SLC24A2: variants seen among roughly 807,000 people sequenced by gnomAD.
SLC24A2 encodes sodium/potassium/calcium exchanger 2.
A neutral mutation model predicts 62.0 loss-of-function variants in SLC24A2; 36 were observed. The observed-to-expected ratio is 0.58, with a 90% CI of 0.44 to 0.77. The LOEUF (loss-of-function observed/expected upper bound fraction) is 0.77. Among genes scored for constraint, SLC24A2 ranks in the 30% least tolerant of loss-of-function variants. The pLI is 0.00. For missense variants in SLC24A2, 846 were observed against 817.9 expected, an observed-to-expected ratio of 1.03 and a Z score of -0.42; for synonymous variants, 358 against 294.0, an observed-to-expected ratio of 1.22 and a Z score of -2.23.
the SLC24A2 span, among the ~76,000 whole-genome samples, chr9:19,811,561 C>A: frequency 1.3e-5 from 2 of 152,074 alleles, no homozygotes; most frequent in Non-Finnish European, 1.5e-5. Flanking sequence ...TTTACCTCAG[C>A]CTTCCAAAGT....
chr9:20,196,030 C>T, the SLC24A2 span, among the ~76,000 whole-genome samples: 54 of 151,960 alleles, frequency 3.6e-4, 1 homozygote, highest in African/African-American at 9.7e-4. Flanking sequence ...TAGCATTAAG[C>T]GAATATAATA....
At chr9:19,975,802 T>A in the SLC24A2 span, among the ~76,000 whole-genome samples, 1 of 152,166 alleles carries the variant, frequency 6.6e-6, no homozygotes, top group African/African-American at 2.4e-5. Flanking sequence ...CCTGTATAGG[T>A]GGCCCTCCAT....
At chr9:19,522,091 C>G (rs1200170982) in intron 9 of SLC24A2, among the ~76,000 whole-genome samples, 3 of 152,168 alleles carry the variant, frequency 2.0e-5, no homozygotes, top group Non-Finnish European at 4.4e-5. Context: ...TCACTGCAGC[C>G]TCAACCTCCT....
the SLC24A2 span, among the ~76,000 whole-genome samples, chr9:20,058,849 T>C: frequency 2.0e-5 from 3 of 152,156 alleles, no homozygotes; most frequent in South Asian, 6.2e-4. Flanking sequence ...GTAAGTTGAG[T>C]CCCCCTTTTA....
chr9:19,540,646 C>T (rs1043257505), intron 8 of SLC24A2, among the ~76,000 whole-genome samples: 48 of 145,018 alleles, frequency 3.3e-4, no homozygotes, highest in Non-Finnish European at 5.9e-4. Context: ...ACATTTTTTC[C>T]TTCATTTCAA....
the SLC24A2 span, among the ~76,000 whole-genome samples, chr9:20,168,586 C>A: frequency 6.6e-6 from 1 of 151,756 alleles, no homozygotes; most frequent in Non-Finnish European, 1.5e-5. Context: ...AAATAGCCAA[C>A]AAGAACATGA....
chr9:19,597,975 G>C (rs1836743819), intron 4 of SLC24A2, among the ~76,000 whole-genome samples: 1 of 152,098 alleles, frequency 6.6e-6, no homozygotes, highest in Admixed American at 6.6e-5. Flanking sequence ...AGGACCATCA[G>C]CTCCCCCTCT....
At chr9:20,160,315 G>A in the SLC24A2 span, among the ~76,000 whole-genome samples, 1 of 151,400 alleles carries the variant, frequency 6.6e-6, no homozygotes, top group South Asian at 2.1e-4. Context: ...ATACCTCAAG[G>A]AGAAACATAG....
At chr9:19,613,605 G>C (rs963866429) in intron 4 of SLC24A2, among the ~76,000 whole-genome samples, 1 of 152,150 alleles carries the variant, frequency 6.6e-6, no homozygotes, top group Admixed American at 6.5e-5. Context: ...TCTGGCAAAA[G>C]AGGTTCTTTA....
At chr9:20,050,770 A>C in the SLC24A2 span, among the ~76,000 whole-genome samples, 2 of 152,196 alleles carry the variant, frequency 1.3e-5, no homozygotes, top group African/African-American at 4.8e-5. Flanking sequence ...ATTTTCACTA[A>C]CAACACACAA....
intron 2 of SLC24A2, among the ~76,000 whole-genome samples, chr9:19,739,613 G>A (rs566988954): frequency 3.3e-4 from 50 of 152,270 alleles, no homozygotes; most frequent in African/African-American, 1.2e-3. Flanking sequence ...ATATTGATAT[G>A]CGGGAAGAAA....
At chr9:19,802,146 C>T in the SLC24A2 span, among the ~76,000 whole-genome samples, 1 of 152,168 alleles carries the variant, frequency 6.6e-6, no homozygotes, top group Non-Finnish European at 1.5e-5. Context: ...ATATGGGCCA[C>T]CTGCCACAAC....
the SLC24A2 span, among the ~76,000 whole-genome samples, chr9:20,275,732 G>A: frequency 1.3e-5 from 2 of 152,130 alleles, no homozygotes; most frequent in Non-Finnish European, 2.9e-5. Context: ...CCCAAGACTG[G>A]GTAATTATAA....
the SLC24A2 span, among the ~76,000 whole-genome samples, chr9:20,194,247 G>A: frequency 1.3e-5 from 2 of 152,076 alleles, no homozygotes; most frequent in Admixed American, 1.3e-4. Context: ...TTACCTATAA[G>A]TCTTAGACTT....
At chr9:20,004,905 T>A in the SLC24A2 span, among the ~76,000 whole-genome samples, 1 of 151,858 alleles carries the variant, frequency 6.6e-6, no homozygotes, top group African/African-American at 2.4e-5. Flanking sequence ...ACAATATCAC[T>A]TTTTTTGAAA....
chr9:19,884,527 A>G, the SLC24A2 span, among the ~76,000 whole-genome samples: 2 of 152,218 alleles, frequency 1.3e-5, no homozygotes, highest in African/African-American at 2.4e-5. Context: ...CCAGACACTT[A>G]GTTGGAAGTG....
At chr9:19,884,727 T>C in the SLC24A2 span, among the ~76,000 whole-genome samples, 1 of 152,232 alleles carries the variant, frequency 6.6e-6, no homozygotes, top group Non-Finnish European at 1.5e-5. Flanking sequence ...TTGTTTTCAC[T>C]TTCAGTACAG....
At chr9:20,105,918 T>C in the SLC24A2 span, among the ~76,000 whole-genome samples, 5 of 152,128 alleles carry the variant, frequency 3.3e-5, no homozygotes, top group African/African-American at 9.7e-5. Flanking sequence ...AGCTGGTTTT[T>C]TGAAAGGATC....
At chr9:19,839,463 G>C in the SLC24A2 span, among the ~76,000 whole-genome samples, 1 of 152,020 alleles carries the variant, frequency 6.6e-6, no homozygotes, top group East Asian at 1.9e-4. Flanking sequence ...CTATAGTCTG[G>C]ATTATATTTT....
Sources: allele counts gnomAD v4.1 joint callset (sites outside exome capture counted in the v4.1 genomes callset), GRCh38; gene constraint gnomAD v4.1.1; transcripts MANE v1.5; gene names NCBI Gene and HGNC (gene_info 2026-07-23, HGNC 2026-07-21).